The following SULT1A2 variants were observed in gnomAD, a reference collection of about 807,000 sequenced individuals.
SULT1A2 encodes the protein sulfotransferase 1A2.
Under a neutral mutation model 36.0 loss-of-function variants are expected in SULT1A2, and 33 were observed. The ratio of observed to expected loss-of-function variants is 0.92; its 90% CI spans 0.69 to 1.22. The LOEUF (loss-of-function observed/expected upper bound fraction) is 1.22, where lower values mean the gene tolerates loss of function less well. SULT1A2 is among the 50% of genes most tolerant of loss of function. The pLI is 0.00. For synonymous variants in SULT1A2, 138 were observed against 144.5 expected (o/e 0.96, Z 0.32); for missense variants, 367 against 383.2 (o/e 0.96, Z 0.35).
In SULT1A2 at chr16:28,592,378, C is replaced by T; in HGVS notation, c.660G>A (p.Val220=). ...FVGRSLPEET[V]DLMVEHTSFK... is the part of the protein sequence containing the mutation. ...ACGACGTGTGCTCAACCATGAGGTC[C>T]ACAGTCTCCTCTGGCAGGGAGCGCC... Residue 220 remains valine (V), a synonymous_variant, in exon 7 of 8, where the codon GTG becomes GTA. Coordinates refer to ENST00000335715, the MANE Select transcript of SULT1A2 (RefSeq NM_001054.4). The T allele has an allele frequency of 6.2e-7, 1 of 1,614,072 alleles. No individual in the cohort carries two copies. The highest frequency in any genetic ancestry group is 1.1e-5 in the South Asian group (1 of 91,076).
chr16:28,596,384 C>T, intron 1 of SULT1A2: 2 of 1,101,452 alleles, frequency 1.8e-6, no homozygotes, highest in Non-Finnish European at 2.2e-6. Context: ...TGTTCCCCTC[C>T]TTGAGCCCCT....
chr16:28,592,125 C>T lies in SULT1A2; in HGVS notation c.791G>A (p.Trp264Ter). 1 of 1,612,080 alleles carries T rather than the reference C, an allele frequency of 6.2e-7. No homozygotes were observed. Among genetic ancestry groups the T allele is most frequent in the Non-Finnish European group, 8.5e-7 (1 of 1,179,848 alleles). ...CTGCGCCACGGTGAAGGTGGTCTTC[C>T]AGTCCCCAGCCATGCCTGGGGGAGG... ...PFMRKGMAGD[W>*]KTTFTVAQNE... Residue 264 changes from tryptophan to a stop codon, truncating the protein, a stop_gained, in exon 8 of 8, where the codon TGG becomes TAG. Transcript: ENST00000335715. LOFTEE classifies it high-confidence loss of function.
Position 28,592,245 on chromosome 16 carries a change from G to T in SULT1A2, c.775+18C>A, listed in dbSNP as rs759526962. 3 of 1,613,918 alleles carry T rather than the reference G, an allele frequency of 1.9e-6. No individual in the cohort carries two copies. Among genetic ancestry groups the T allele is most frequent in the Admixed American group, 3.3e-5 (2 of 60,002 alleles). The stretch of plus-strand genomic sequence containing the variant: ...CTGCTCCCACCTGCTCCAAACCCCC[G>T]TGCTGGCCGGCACCTACCTTTCCTC... On this transcript the variant is annotated intron_variant, in intron 7 of 7. Coordinates refer to ENST00000335715, the MANE Select transcript of SULT1A2 (RefSeq NM_001054.4).
At chr16:28,592,580 G>T (rs2151658660) in intron 6 of SULT1A2, 137 bp from the exon 7 acceptor site, 3 of 1,508,336 alleles carry the variant, frequency 2.0e-6, no homozygotes, top group Non-Finnish European at 2.7e-6. Context: ...CGACCCCTGG[G>T]ACCCCAGTCC....
chr16:28,596,925 G>C (rs555821292), intron 1 of SULT1A2, 72 bp downstream of exon 1: 38 of 1,087,704 alleles, frequency 3.5e-5, no homozygotes, highest in Admixed American at 2.6e-4. Flanking sequence ...CAGAGGCCTC[G>C]GCTTCTGGAA....
chr16:28,595,741 G>T (rs1252435384), intron 2 of SULT1A2, 42 bp downstream of exon 2: 7 of 1,612,090 alleles, frequency 4.3e-6, no homozygotes, highest in African/African-American at 2.7e-5. Flanking sequence ...GCCAAGGTGG[G>T]GACTGCCACC....
chr16:28,596,553 A>C, intron 1 of SULT1A2: 1 of 328,446 alleles, frequency 3.0e-6, no homozygotes, highest in Non-Finnish European at 5.1e-6. Flanking sequence ...GTGATGACTC[A>C]GCAAAAGGAG....
chr16:28,593,332 A>G lies in SULT1A2; in HGVS notation c.514T>C (p.Trp172Arg). ...FMAGEVSYGS[W>R]YQHVQEWWEL... ...CACCACTCTTGCACGTGCTGGTACC[A>G]GGACCCATAGGACACTGGAGAAGCG... Residue 172 changes from tryptophan (W) to arginine (R), a missense_variant, in exon 6 of 8, where the codon TGG (tryptophan) becomes CGG (arginine). Transcript: ENST00000335715. 6.2e-7 allele frequency: 1 copy of G among 1,614,218 alleles called. No homozygotes were observed. Among genetic ancestry groups the G allele is most frequent in the East Asian group, 2.2e-5 (1 of 44,886 alleles).
chr16:28,592,589 C>T (rs1007776687), intron 6 of SULT1A2, 146 bp from the exon 7 acceptor site: 2 of 1,453,046 alleles, frequency 1.4e-6, no homozygotes. Context: ...GGACCCCAGT[C>T]CCTGGGGCAA....
In SULT1A2 at chr16:28,593,307, C is replaced by T. The variant is rs199931808; in HGVS notation, c.539G>A (p.Trp180Ter). ...GSWYQHVQEWWELSRTHPVLY... is the reference protein window; with the variant it reads ...GSWYQHVQEW ...AACAGGGTGGGTGCGGCTCAGCTCC[C>T]ACCACTCTTGCACGTGCTGGTACCA... The change falls in exon 6 of 8, where the codon TGG (tryptophan) becomes TAG (stop). Residue 180 changes from tryptophan to a stop codon, truncating the protein, a stop_gained. Transcript: ENST00000335715. LOFTEE classifies it high-confidence loss of function. The T allele has an allele frequency of 3.6e-5, 58 of 1,614,030 alleles. No homozygotes were observed. Among genetic ancestry groups the T allele is most frequent in the Non-Finnish European group, 4.7e-5 (56 of 1,180,026 alleles).
chr16:28,592,013 C>A lies in SULT1A2; in HGVS notation c.*15G>T. 1 of 1,611,552 alleles carries A rather than the reference C, an allele frequency of 6.2e-7. No individual in the cohort carries two copies. Among genetic ancestry groups the A allele is most frequent in the Non-Finnish European group, 8.5e-7 (1 of 1,179,524 alleles). ...GATTCGCACACTCCCTCTGCAGTGA[C>A]TCCAGGAACCCCTCTCACAGCTCAG... is the stretch of plus-strand genomic sequence containing the variant. On this transcript the variant is annotated 3_prime_UTR_variant, in exon 8 of 8. Coordinates refer to ENST00000335715, the MANE Select transcript of SULT1A2 (RefSeq NM_001054.4).
At chr16:28,593,018 A>G (rs902135205) in intron 6 of SULT1A2, among the ~76,000 whole-genome samples, 9 of 152,126 alleles carry the variant, frequency 5.9e-5, no homozygotes, top group African/African-American at 2.2e-4. Flanking sequence ...CTCAAAAAAA[A>G]AAGTAGCTGA....
chr16:28,596,541 C>A, intron 1 of SULT1A2: 1 of 358,578 alleles, frequency 2.8e-6, no homozygotes. Flanking sequence ...ATGAGCAAAA[C>A]TGTGATGACT....
At chr16:28,596,853 G>T in intron 1 of SULT1A2, 144 bp downstream of exon 1, 1 of 472,200 alleles carries the variant, frequency 2.1e-6, no homozygotes, top group African/African-American at 2.1e-5. Flanking sequence ...AGGAAGGGAG[G>T]GGGATTCAGG....
intron 6 of SULT1A2, 171 bp from the exon 7 acceptor site, chr16:28,592,614 T>G: frequency 8.0e-7 from 1 of 1,257,172 alleles, no homozygotes; most frequent in Non-Finnish European, 1.1e-6. Context: ...AATTGCTGTC[T>G]GCCCTGTGAT....
chr16:28,592,198 GC>G, intron 7 of SULT1A2, 58 bp from the exon 8 acceptor site: 1 of 1,613,688 alleles, frequency 6.2e-7, no homozygotes, highest in Non-Finnish European at 8.5e-7. Flanking sequence ...GGCCCCGAGT[GC>G]CTATGGGGAG....
At chr16:28,595,168 A>G (rs572961952) in intron 4 of SULT1A2, among the ~76,000 whole-genome samples, 199 bp downstream of exon 4, 2 of 152,134 alleles carry the variant, frequency 1.3e-5, no homozygotes, top group East Asian at 3.9e-4. Context: ...AGCTCACTGT[A>G]GCCTTAAACT....
intron 1 of SULT1A2, chr16:28,596,376 T>G: frequency 1.8e-6 from 2 of 1,109,596 alleles, no homozygotes; most frequent in Non-Finnish European, 2.2e-6. Flanking sequence ...CTCCCCGATG[T>G]TCCCCTCCTT....
At position 28,592,300 on chromosome 16, in the gene SULT1A2, C is replaced by T; in HGVS notation, c.738G>A (p.Glu246=). The T allele has an allele frequency of 1.2e-6, 2 of 1,613,976 alleles. No individual in the cohort carries two copies. The highest frequency in any genetic ancestry group is 1.7e-6 in the Non-Finnish European group (2 of 1,179,866). The change falls in exon 7 of 8, where the codon GAG becomes GAA. Residue 246 remains glutamate, a synonymous_variant. Coordinates refer to ENST00000335715, the MANE Select transcript of SULT1A2 (RefSeq NM_001054.4). ...AGGGGGAGATGCTGTGGTCCATGAA[C>T]TCCCGGCGGACGGTGGTGTAGTTGG... ...PMTNYTTVRR[E]FMDHSISPFM...
Sources: gnomAD v4.1 joint callset for allele counts (sites outside exome capture counted in the v4.1 genomes callset) on GRCh38, gnomAD v4.1.1 for gene constraint, MANE v1.5 for transcripts, NCBI Gene and HGNC (gene_info 2026-07-23, HGNC 2026-07-21) for gene names.